DISC1: variants seen among roughly 807,000 people sequenced by gnomAD.
DISC1 encodes DISC1 scaffold protein.
In DISC1, 57 loss-of-function variants were observed where a neutral mutation model predicts 84.5. The ratio of observed to expected loss-of-function variants is 0.67; its 90% CI spans 0.55 to 0.84. The LOEUF (loss-of-function observed/expected upper bound fraction) is 0.84. Among genes scored for constraint, DISC1 ranks in the 40% least tolerant of loss-of-function variants. The probability of loss-of-function intolerance (pLI) is 0.00; values close to 1 mark genes in which losing one functional copy is unlikely to be tolerated. For missense variants in DISC1, 1,000 were observed against 1,057.8 expected (o/e 0.95, Z 0.76); for synonymous variants, 411 against 415.2 (o/e 0.99, Z 0.12).
intron 9 of DISC1, among the ~76,000 whole-genome samples, chr1:231,904,885 C>A (rs1171059833): frequency 6.6e-6 from 1 of 152,034 alleles, no homozygotes; most frequent in Non-Finnish European, 1.5e-5. Flanking sequence ...CCAAACAGGG[C>A]ATAAATCGAG....
intron 1 of DISC1, among the ~76,000 whole-genome samples, chr1:231,680,758 C>T (rs1235393619): frequency 6.6e-6 from 1 of 152,142 alleles, no homozygotes; most frequent in Non-Finnish European, 1.5e-5. Flanking sequence ...GTGTGAAATA[C>T]TGAAAATTTG....
chr1:231,740,191 A>G (rs913098607), intron 3 of DISC1, among the ~76,000 whole-genome samples: 1 of 152,248 alleles, frequency 6.6e-6, no homozygotes, highest in African/African-American at 2.4e-5. Flanking sequence ...TACCCAGTCT[A>G]TGGTACTCTG....
intron 3 of DISC1, among the ~76,000 whole-genome samples, chr1:231,716,121 T>C (rs942048157): frequency 1.3e-5 from 2 of 152,114 alleles, no homozygotes; most frequent in African/African-American, 4.8e-5. Context: ...CTTTTCTTTT[T>C]CTACCTACCA....
intron 9 of DISC1, chr1:231,855,058 T>C: frequency 2.0e-6 from 2 of 995,164 alleles, no homozygotes; most frequent in Non-Finnish European, 2.4e-6. Flanking sequence ...AAATGAAAAA[T>C]AAGAAATTCT....
At chr1:231,756,776 G>A (rs1304920748) in intron 4 of DISC1, among the ~76,000 whole-genome samples, 1 of 152,182 alleles carries the variant, frequency 6.6e-6, no homozygotes, top group African/African-American at 2.4e-5. Context: ...ATCAGAAAAT[G>A]AGGGGGTTAA....
At chr1:231,649,999 G>A (rs1391121982) in intron 1 of DISC1, among the ~76,000 whole-genome samples, 3 of 152,098 alleles carry the variant, frequency 2.0e-5, no homozygotes, top group Non-Finnish European at 4.4e-5. Context: ...ACACTGATGG[G>A]TCTTGACTCT....
chr1:231,836,272 G>A (rs373292495), intron 9 of DISC1, among the ~76,000 whole-genome samples: 4 of 151,986 alleles, frequency 2.6e-5, no homozygotes, highest in African/African-American at 7.3e-5. Context: ...TTCCAGAGGC[G>A]TGCTGTTATT....
intron 9 of DISC1, among the ~76,000 whole-genome samples, chr1:231,930,878 C>A (rs181602876): frequency 2.6e-4 from 39 of 152,322 alleles, no homozygotes; most frequent in African/African-American, 9.4e-4. Flanking sequence ...TGGGGTCCAT[C>A]TGTGAGCAGA....
intron 9 of DISC1, among the ~76,000 whole-genome samples, chr1:231,867,600 A>G (rs916115785): frequency 6.6e-6 from 1 of 151,870 alleles, no homozygotes; most frequent in Non-Finnish European, 1.5e-5. Context: ...GGAGGAATTC[A>G]TTTTCAAGCT....
At chr1:231,770,509 CTGCCCTG>C (rs912305987) in intron 5 of DISC1, among the ~76,000 whole-genome samples, 1 of 152,158 alleles carries the variant, frequency 6.6e-6, no homozygotes, top group Non-Finnish European at 1.5e-5. Flanking sequence ...ATGAGGCTCC[CTGCCCTG>C]TGTCCTAACT....
At chr1:231,785,532 G>T (rs887709353) in intron 6 of DISC1, among the ~76,000 whole-genome samples, 2 of 151,962 alleles carry the variant, frequency 1.3e-5, no homozygotes, top group African/African-American at 4.8e-5. Flanking sequence ...GCGCTCAAGT[G>T]ATCTGCCCAT....
intron 6 of DISC1, among the ~76,000 whole-genome samples, chr1:231,772,878 C>G (rs2076660557): frequency 6.6e-6 from 1 of 152,028 alleles, no homozygotes; most frequent in South Asian, 2.1e-4. Context: ...AGGCAGAACT[C>G]TCCATGGCTC....
chr1:231,951,790 G>T (rs1389213499), intron 9 of DISC1, among the ~76,000 whole-genome samples: 1 of 152,168 alleles, frequency 6.6e-6, no homozygotes, highest in Non-Finnish European at 1.5e-5. Flanking sequence ...TAGAGGCAGG[G>T]TGTGGTGGCT....
At chr1:231,836,805 C>T (rs950160754) in intron 9 of DISC1, among the ~76,000 whole-genome samples, 2 of 152,182 alleles carry the variant, frequency 1.3e-5, no homozygotes, top group African/African-American at 2.4e-5. Flanking sequence ...GGATAAAGTG[C>T]GCTAAGCCCC....
chr1:231,916,987 A>G (rs2089682283), intron 9 of DISC1, among the ~76,000 whole-genome samples: 1 of 152,124 alleles, frequency 6.6e-6, no homozygotes, highest in South Asian at 2.1e-4. Flanking sequence ...TGTGGATTCC[A>G]TTGTCTCCAA....
At chr1:231,718,011 C>G (rs983365307) in intron 3 of DISC1, among the ~76,000 whole-genome samples, 2 of 152,076 alleles carry the variant, frequency 1.3e-5, no homozygotes, top group African/African-American at 4.8e-5. Context: ...CAATGAATGG[C>G]AAGTCAAGCA....
At chr1:231,656,828 G>A (rs927266504) in intron 1 of DISC1, among the ~76,000 whole-genome samples, 12 of 152,112 alleles carry the variant, frequency 7.9e-5, no homozygotes, top group African/African-American at 2.7e-4. Context: ...TCCCCTCTAT[G>A]TGTCCATGTA....
At position 231,907,175 on chromosome 1, in the gene DISC1, C is replaced by CTCTTTA. The variant is rs1558717837; in HGVS notation, c.1982-51652_1982-51651insCTTTAT. ...TTTCTTTCTTTCTTTCTTTCTCTTT[C>CTCTTTA]TTTTATTATACTTTAAGTTCTAGGG... On this transcript the variant is annotated intron_variant, in intron 9 of 12. Transcript: ENST00000439617. Among the ~76,000 whole-genome samples the CTCTTTA allele has an allele frequency of 9.0e-3, 1,003 of 112,002 alleles. 20 individuals carry two copies. Among genetic ancestry groups the CTCTTTA allele is most frequent in the African/African-American group, 0.035 (937 of 26,858 alleles). The allele number at this position is 112,002 out of a possible 152,430, so 73.5% of individuals were successfully genotyped here.
chr1:231,906,865 C>T (rs1168876200), intron 9 of DISC1, among the ~76,000 whole-genome samples: 1 of 152,038 alleles, frequency 6.6e-6, no homozygotes, highest in Non-Finnish European at 1.5e-5. Flanking sequence ...TGTTTTATAT[C>T]CTCCCAGTCA....
Sources: gnomAD v4.1 joint callset for allele counts (sites outside exome capture counted in the v4.1 genomes callset) on GRCh38, gnomAD v4.1.1 for gene constraint, MANE v1.5 for transcripts, NCBI Gene and HGNC (gene_info 2026-07-23, HGNC 2026-07-21) for gene names.